The following CDH12 variants were observed in gnomAD, a reference collection of about 807,000 sequenced individuals.
CDH12 encodes the protein cadherin-12.
A neutral mutation model predicts 74.1 loss-of-function variants in CDH12; 41 were observed. The observed-to-expected ratio is 0.55, with a 90% CI of 0.43 to 0.72. The LOEUF (loss-of-function observed/expected upper bound fraction) is 0.72, where lower values mean the gene tolerates loss of function less well. CDH12 is among the 30% of genes least tolerant of loss of function. CDH12 has a pLI of 0.00. For missense variants in CDH12, 945 were observed against 977.2 expected (o/e 0.97, Z 0.44); for synonymous variants, 399 against 355.0 (o/e 1.12, Z -1.39).
chr5:22,813,791 T>C (rs756795315), intron 1 of CDH12, among the ~76,000 whole-genome samples: 27 of 152,070 alleles, frequency 1.8e-4, no homozygotes, highest in Non-Finnish European at 3.8e-4. Flanking sequence ...GCTGACCACA[T>C]TGTGAACTTA....
At chr5:22,474,928 T>G (rs1279320915) in intron 2 of CDH12, among the ~76,000 whole-genome samples, 2 of 151,986 alleles carry the variant, frequency 1.3e-5, no homozygotes, top group African/African-American at 4.8e-5. Flanking sequence ...TTACATACAT[T>G]CTATTCTCCT....
chr5:22,066,355 T>A (rs140668122), intron 5 of CDH12, among the ~76,000 whole-genome samples: 4 of 152,264 alleles, frequency 2.6e-5, no homozygotes, highest in East Asian at 3.9e-4. Flanking sequence ...TATCACTTTT[T>A]ATCAGGGTGA....
chr5:22,248,149 A>C (rs1194399287), intron 3 of CDH12, among the ~76,000 whole-genome samples: 1 of 152,122 alleles, frequency 6.6e-6, no homozygotes, highest in African/African-American at 2.4e-5. Flanking sequence ...ATAATACAAA[A>C]ATTAGCTGGG....
At chr5:22,439,937 C>T (rs550204750) in intron 2 of CDH12, among the ~76,000 whole-genome samples, 4 of 151,982 alleles carry the variant, frequency 2.6e-5, no homozygotes, top group South Asian at 2.1e-4. Context: ...CATCCCTTTC[C>T]TCTATATATT....
intron 1 of CDH12, among the ~76,000 whole-genome samples, chr5:22,669,036 C>T (rs1037749177): frequency 1.3e-5 from 2 of 152,216 alleles, no homozygotes; most frequent in Non-Finnish European, 2.9e-5. Context: ...TGGTATAGGT[C>T]TTCAAATGTG....
At chr5:22,551,174 G>A (rs2126733535) in intron 1 of CDH12, among the ~76,000 whole-genome samples, 1 of 152,244 alleles carries the variant, frequency 6.6e-6, no homozygotes, top group South Asian at 2.1e-4. Flanking sequence ...AGAAAAGGGA[G>A]AGACACCAGA....
At chr5:22,451,434 C>A (rs1266075517) in intron 2 of CDH12, among the ~76,000 whole-genome samples, 1 of 151,914 alleles carries the variant, frequency 6.6e-6, no homozygotes, top group Non-Finnish European at 1.5e-5. Flanking sequence ...AATCAATACA[C>A]ATGATCTAGC....
At chr5:22,695,947 A>G (rs1004347215) in intron 1 of CDH12, among the ~76,000 whole-genome samples, 1 of 152,110 alleles carries the variant, frequency 6.6e-6, no homozygotes, top group Non-Finnish European at 1.5e-5. Context: ...ATGAACACTC[A>G]TTTTTTATTC....
At chr5:22,327,455 T>C (rs1739169745) in intron 3 of CDH12, among the ~76,000 whole-genome samples, 1 of 151,828 alleles carries the variant, frequency 6.6e-6, no homozygotes, top group Admixed American at 6.6e-5. Flanking sequence ...TGTGTGTGTG[T>C]GTGTGTGTGT....
intron 1 of CDH12, among the ~76,000 whole-genome samples, chr5:22,756,098 G>GAAA (rs60067455): frequency 3.5e-3 from 306 of 87,042 alleles, no homozygotes; most frequent in Middle Eastern, 6.5e-3. Context: ...TTCAAGGACC[G>GAAA]AAAAAAAAAA....
intron 2 of CDH12, among the ~76,000 whole-genome samples, chr5:22,468,311 C>A (rs1228219644): frequency 6.6e-6 from 1 of 152,192 alleles, no homozygotes; most frequent in Non-Finnish European, 1.5e-5. Flanking sequence ...TCTTTACATT[C>A]CTCACTTTAA....
chr5:21,998,898 C>T (rs568930244), intron 5 of CDH12, among the ~76,000 whole-genome samples: 2 of 152,182 alleles, frequency 1.3e-5, no homozygotes, highest in South Asian at 4.2e-4. Flanking sequence ...AAAGAGGGAT[C>T]TTATATTTAC....
At chr5:22,478,019 G>C (rs1429439214) in intron 2 of CDH12, among the ~76,000 whole-genome samples, 1 of 152,122 alleles carries the variant, frequency 6.6e-6, no homozygotes, top group Non-Finnish European at 1.5e-5. Context: ...CCAAGTAGGG[G>C]ATTAGACTCA....
chr5:22,557,103 G>GA (rs35595528), intron 1 of CDH12, among the ~76,000 whole-genome samples: 1 of 151,866 alleles, frequency 6.6e-6, no homozygotes, highest in African/African-American at 2.4e-5. Context: ...CAATAGTCTT[G>GA]AAAAAAGTCT....
chr5:22,851,375 C>T (rs1236667842), intron 1 of CDH12, among the ~76,000 whole-genome samples: 2 of 152,030 alleles, frequency 1.3e-5, no homozygotes, highest in African/African-American at 2.4e-5. Flanking sequence ...AAGTTAAGAA[C>T]ACAGCAAGCA....
At chr5:22,352,269 G>A (rs1740387276) in intron 3 of CDH12, among the ~76,000 whole-genome samples, 1 of 151,540 alleles carries the variant, frequency 6.6e-6, no homozygotes, top group Admixed American at 6.6e-5. Flanking sequence ...GTCTACTAGT[G>A]TTTTGTTCCT....
Position 22,684,932 on chromosome 5 carries a change from T to C in CDH12, c.-523+168126A>G, listed in dbSNP as rs559746097. ...AGACATGACACATGAGTTTTGTTGT[T>C]GTTGTTTTTTTCCTCCAATAGGCTC... On this transcript the variant is annotated intron_variant, in intron 1 of 14. Coordinates refer to ENST00000382254, the MANE Select transcript of CDH12 (RefSeq NM_004061.5). 1.4e-3 allele frequency among the ~76,000 whole-genome samples: 215 copies of C among 152,264 alleles called. 1 individual carries two copies. The highest frequency in any genetic ancestry group is 4.9e-3 in the African/African-American group (202 of 41,554).
At chr5:22,113,317 T>A (rs1744917863) in intron 4 of CDH12, among the ~76,000 whole-genome samples, 1 of 152,138 alleles carries the variant, frequency 6.6e-6, no homozygotes, top group Admixed American at 6.6e-5. Context: ...TTCTAGGCTC[T>A]CCCAGTCCTA....
At chr5:22,814,953 G>C (rs1035990225) in intron 1 of CDH12, among the ~76,000 whole-genome samples, 34 of 152,152 alleles carry the variant, frequency 2.2e-4, no homozygotes, top group African/African-American at 7.7e-4. Flanking sequence ...CTTTCAGATA[G>C]CTTCAGAAGA....
Sources: allele counts gnomAD v4.1 joint callset (sites outside exome capture counted in the v4.1 genomes callset), GRCh38; gene constraint gnomAD v4.1.1; transcripts MANE v1.5; gene names NCBI Gene and HGNC (gene_info 2026-07-23, HGNC 2026-07-21).